Variants in PRAG1 observed in about 807,000 individuals in gnomAD.
PRAG1 encodes the protein PEAK1 related, kinase-activating pseudokinase 1.
A neutral mutation model predicts 95.6 loss-of-function variants in PRAG1; 110 were observed. That is an observed-to-expected ratio of 1.15 (90% CI 0.99 to 1.35). PRAG1 has a LOEUF of 1.35. PRAG1 is among the 40% of genes most tolerant of loss of function. The probability of loss-of-function intolerance (pLI) is 0.00; values close to 1 mark genes in which losing one functional copy is unlikely to be tolerated. For missense variants in PRAG1, 2,554 were observed against 1,864.7 expected (o/e 1.37, Z -6.81); for synonymous variants, 1,052 against 819.4 (o/e 1.28, Z -4.85).
intron 3 of PRAG1, among the ~76,000 whole-genome samples, chr8:8,341,422 A>G (rs1404017555): frequency 6.6e-6 from 1 of 152,234 alleles, no homozygotes; most frequent in Non-Finnish European, 1.5e-5. Context: ...AGGGAACTCC[A>G]CACACAGGCA....
Position 8,381,597 on chromosome 8 carries a change from C to A in PRAG1, c.151G>T (p.Ala51Ser). 1 of 1,614,086 alleles carries A rather than the reference C, an allele frequency of 6.2e-7. No homozygotes were observed. Among genetic ancestry groups the A allele is most frequent in the Non-Finnish European group, 8.5e-7 (1 of 1,179,978 alleles). Residue 51 changes from alanine to serine, a missense_variant, in exon 2 of 6, where the codon GCG (alanine) becomes TCG (serine). Physicochemically the swap from Ala to Ser is moderately conservative, Grantham distance 99. Coordinates refer to ENST00000615670, the MANE Select transcript of PRAG1 (RefSeq NM_001080826.3). ...CGCGGTGGAGGGGGCAGGCTGCCCG[C>A]TCTGGGCTGGGGAGGGCCGGCCACC... ...QLVAGPPQPR[A>S]GSLPPPPRLP...
chr8:8,326,954 G>C (rs746286299), intron 5 of PRAG1, among the ~76,000 whole-genome samples: 19 of 152,176 alleles, frequency 1.2e-4, no homozygotes, highest in Non-Finnish European at 2.1e-4. Context: ...TATTGTTCAA[G>C]ATGATTCCTA....
intron 1 of PRAG1, among the ~76,000 whole-genome samples, chr8:8,384,352 G>A (rs1285651917): frequency 6.6e-6 from 1 of 151,988 alleles, no homozygotes; most frequent in African/African-American, 2.4e-5. Context: ...CGTGGGGGAA[G>A]TTTCCTTGAG....
rs149284677 is a variant in PRAG1 at position 8,330,768 on chromosome 8, G to A, written c.2321-2307C>T. 3.0e-3 allele frequency among the ~76,000 whole-genome samples: 452 copies of A among 152,262 alleles called. 3 individuals carry two copies. Among genetic ancestry groups the A allele is most frequent in the African/African-American group, 0.01 (420 of 41,558 alleles). ...TCCCACGCTCCCCAGGAAAGCAATG[G>A]GGACAGACGGAGGCTAGGGCAGATG... On this transcript the variant is annotated intron_variant, in intron 4 of 5. Transcript: ENST00000615670.
At chr8:8,362,420 T>C (rs1015233002) in intron 3 of PRAG1, among the ~76,000 whole-genome samples, 1 of 152,212 alleles carries the variant, frequency 6.6e-6, no homozygotes, top group African/African-American at 2.4e-5. Flanking sequence ...AGAGTTTACC[T>C]GGTTGCCACA....
chr8:8,330,995 T>C (rs1166457052), intron 4 of PRAG1, among the ~76,000 whole-genome samples: 1 of 152,144 alleles, frequency 6.6e-6, no homozygotes, highest in Non-Finnish European at 1.5e-5. Flanking sequence ...TCCTGACCTT[T>C]CTGCATTCTG....
chr8:8,356,606 C>T (rs543621099), intron 3 of PRAG1, among the ~76,000 whole-genome samples: 8 of 152,126 alleles, frequency 5.3e-5, no homozygotes, highest in Non-Finnish European at 1.2e-4. Context: ...TCTCAGCCTT[C>T]CAAAGTGCTG....
chr8:8,335,081 C>T (rs753344669), intron 4 of PRAG1, among the ~76,000 whole-genome samples: 1 of 151,892 alleles, frequency 6.6e-6, no homozygotes, highest in Non-Finnish European at 1.5e-5. Flanking sequence ...AAAAAAGGCA[C>T]TTTTCAGATG....
At chr8:8,357,459 T>C (rs1799717730) in intron 3 of PRAG1, among the ~76,000 whole-genome samples, 1 of 152,148 alleles carries the variant, frequency 6.6e-6, no homozygotes, top group African/African-American at 2.4e-5. Flanking sequence ...CTTTAATCAT[T>C]TGGAAAACAC....
chr8:8,322,628 G>C (rs1334195189), intron 5 of PRAG1, among the ~76,000 whole-genome samples: 1 of 152,118 alleles, frequency 6.6e-6, no homozygotes, highest in Non-Finnish European at 1.5e-5. Flanking sequence ...ATTACTGATA[G>C]GGCAGTCTCT....
chr8:8,369,825 T>G (rs1800132938), intron 3 of PRAG1, among the ~76,000 whole-genome samples: 1 of 151,998 alleles, frequency 6.6e-6, no homozygotes, highest in South Asian at 2.1e-4. Flanking sequence ...TTGTGTTCCC[T>G]AAACAGAACA....
In PRAG1 at chr8:8,381,629, T is replaced by G; in HGVS notation, c.119A>C (p.His40Pro). ...CKNCFCLRSD[H>P]QLVAGPPQPR... ...CTGGGGAGGGCCGGCCACCAGCTGG[T>G]GGTCGCTCCGCAGGCAGAAGCAGTT... The change falls in exon 2 of 6, where the codon CAC (histidine) becomes CCC (proline). Residue 40 changes from histidine (H) to proline (P), a missense_variant. Transcript: ENST00000615670. 2 of 1,613,686 alleles carry G rather than the reference T, an allele frequency of 1.2e-6. No homozygotes were observed.
chr8:8,351,849 A>G (rs1049420576), intron 3 of PRAG1, among the ~76,000 whole-genome samples: 14 of 152,072 alleles, frequency 9.2e-5, no homozygotes, highest in Admixed American at 7.2e-4. Flanking sequence ...CCTTCACACC[A>G]TCTCCTCATC....
In PRAG1 at chr8:8,377,111, A is replaced by T. The variant is rs202154739; in HGVS notation, c.1298T>A (p.Ile433Lys). The T allele has an allele frequency of 6.1e-4, 986 of 1,613,246 alleles. No homozygotes were observed. Among genetic ancestry groups the T allele is most frequent in the Non-Finnish European group, 8.0e-4 (946 of 1,179,962 alleles). ...APVPSKSQAK[I>K]EHAAAAQGQG... ...GCCCTGGGCAGCAGCTGCATGTTCT[A>T]TCTTGGCCTGTGACTTGGAAGGCAC... Residue 433 changes from isoleucine to lysine, a missense_variant, in exon 3 of 6, where the codon ATA becomes AAA. Ile to Lys is a moderately radical substitution (Grantham distance 102). Coordinates refer to ENST00000615670, the MANE Select transcript of PRAG1 (RefSeq NM_001080826.3).
chr8:8,353,526 A>G (rs1799590118), intron 3 of PRAG1, among the ~76,000 whole-genome samples: 1 of 152,216 alleles, frequency 6.6e-6, no homozygotes, highest in Non-Finnish European at 1.5e-5. Flanking sequence ...GAAATACAAT[A>G]TATCAAAATG....
intron 3 of PRAG1, among the ~76,000 whole-genome samples, chr8:8,352,919 T>C (rs935059405): frequency 6.6e-6 from 1 of 152,122 alleles, no homozygotes; most frequent in Non-Finnish European, 1.5e-5. Context: ...GAGATGGCAA[T>C]ACTTATATGA....
In PRAG1 at chr8:8,318,508, C is replaced by T. The variant is rs770805591; in HGVS notation, c.3867G>A (p.Pro1289=). 27 of 1,611,090 alleles carry T rather than the reference C, an allele frequency of 1.7e-5. No individual in the cohort carries two copies. The African/African-American group carries it at 3.5e-4, about 21-fold the overall frequency. Residue 1289 remains proline, a synonymous_variant, in exon 6 of 6, where the codon CCG becomes CCA. Transcript: ENST00000615670. The surrounding 1 kb of genome is among the most constrained non-coding windows in gnomAD (Gnocchi z 4.2). ...GTGAGTAGAGGGACAGCGCGGGCAG[C>T]GGCGGCAGGTCCTCCTGCCGGTAGT... The part of the protein sequence containing the change: ...ERDYRQEDLP[P]LPALSLYSPG...
chr8:8,383,151 C>T (rs1045609879), intron 1 of PRAG1, among the ~76,000 whole-genome samples: 2 of 152,082 alleles, frequency 1.3e-5, no homozygotes, highest in South Asian at 2.1e-4. Context: ...TGGAATGAGC[C>T]GGGTACCCCA....
chr8:8,383,395 ACT>A (rs1392950729), intron 1 of PRAG1, among the ~76,000 whole-genome samples: 1 of 151,940 alleles, frequency 6.6e-6, no homozygotes, highest in Non-Finnish European at 1.5e-5. Context: ...ACACAGAGAC[ACT>A]CTGTCTTTAC....
Sources: gnomAD v4.1 joint callset for allele counts (sites outside exome capture counted in the v4.1 genomes callset) on GRCh38, gnomAD v4.1.1 for gene constraint, Gnocchi (gnomAD v3.1) non-coding constraint, MANE v1.5 for transcripts, NCBI Gene and HGNC (gene_info 2026-07-23, HGNC 2026-07-21) for gene names.